Variants in THSD7B observed in about 807,000 individuals in gnomAD.
The protein encoded by THSD7B is thrombospondin type-1 domain-containing protein 7B.
Under a neutral mutation model 213.6 loss-of-function variants are expected in THSD7B, and 138 were observed. The observed-to-expected ratio is 0.65, with a 90% CI of 0.56 to 0.74. The LOEUF is 0.74. THSD7B is among the 30% of genes least tolerant of loss of function. THSD7B has a pLI of 0.00. For synonymous variants in THSD7B, 742 were observed against 687.0 expected (o/e 1.08, Z -1.25); for missense variants, 1,931 against 1,991.5 (o/e 0.97, Z 0.58).
At chr2:136,862,960 T>C (rs563723338) in intron 1 of THSD7B, among the ~76,000 whole-genome samples, 1 of 152,320 alleles carries the variant, frequency 6.6e-6, no homozygotes, top group African/African-American at 2.4e-5. Flanking sequence ...TCAGATCCTT[T>C]ACCATGGGGA....
rs1680741165 is a variant in THSD7B at position 137,546,477 on chromosome 2, TAATA to T, written c.3139-16743_3139-16740del. 3.3e-5 allele frequency among the ~76,000 whole-genome samples: 2 copies of T among 59,832 alleles called. 1 individual carries two copies. The highest frequency in any genetic ancestry group is 1.7e-4 in the African/African-American group (2 of 11,978). 39.3% of individuals were successfully genotyped at this position (59,832 alleles called of 152,430 possible). A position where few individuals can be genotyped will look rare whatever the true frequency, so the allele number is the denominator to read the frequency against. On this transcript the variant is annotated intron_variant, in intron 15 of 27. Coordinates refer to ENST00000409968, the MANE Select transcript of THSD7B (RefSeq NM_001316349.2). ...ATATTATATATAATATATATATATA[TAATA>T]TATATATATATATATTAACATACCT...
intron 3 of THSD7B, among the ~76,000 whole-genome samples, chr2:137,062,963 C>G (rs1292837733): frequency 6.6e-6 from 1 of 151,796 alleles, no homozygotes; most frequent in Non-Finnish European, 1.5e-5. Flanking sequence ...GACCTTGCCT[C>G]ATAGATTTTG....
chr2:137,039,628 G>A (rs181520947), intron 2 of THSD7B, among the ~76,000 whole-genome samples: 37 of 152,272 alleles, frequency 2.4e-4, no homozygotes, highest in Non-Finnish European at 5.1e-4. Flanking sequence ...CATGTGTTAG[G>A]AGCGTCCATA....
At chr2:137,642,732 A>G in intron 21 of THSD7B, 99 bp downstream of exon 21, 2 of 1,383,824 alleles carry the variant, frequency 1.4e-6, no homozygotes, top group Non-Finnish European at 2.0e-6. Flanking sequence ...TCACAGCACC[A>G]GGGGTCTGGC....
chr2:137,187,722 T>C (rs112572671), intron 7 of THSD7B, among the ~76,000 whole-genome samples: 2,027 of 152,312 alleles, frequency 0.013, 34 homozygotes, highest in African/African-American at 0.046. Context: ...GTTATTTATT[T>C]TGCATTATCT....
intron 15 of THSD7B, among the ~76,000 whole-genome samples, chr2:137,545,305 A>C (rs1680687111): frequency 6.6e-6 from 1 of 151,818 alleles, no homozygotes; most frequent in Non-Finnish European, 1.5e-5. Context: ...TATTAATATC[A>C]GGTTATGAAG....
chr2:137,131,690 A>T (rs1014103683), intron 5 of THSD7B, among the ~76,000 whole-genome samples: 1 of 152,184 alleles, frequency 6.6e-6, no homozygotes, highest in Non-Finnish European at 1.5e-5. Context: ...AGATAGTTGT[A>T]GATATGCAGC....
intron 1 of THSD7B, among the ~76,000 whole-genome samples, chr2:136,804,317 G>A (rs571426080): frequency 1.3e-5 from 2 of 151,924 alleles, no homozygotes; most frequent in South Asian, 4.2e-4. Context: ...CTATATAGAG[G>A]TTGAAACTTA....
intron 2 of THSD7B, among the ~76,000 whole-genome samples, chr2:137,026,673 C>T (rs978029045): frequency 6.6e-6 from 1 of 152,078 alleles, no homozygotes; most frequent in Non-Finnish European, 1.5e-5. Flanking sequence ...TGCTTCTCAC[C>T]CTTAGCCTTA....
intron 7 of THSD7B, among the ~76,000 whole-genome samples, chr2:137,203,095 G>A (rs750749386): frequency 2.4e-4 from 37 of 152,032 alleles, no homozygotes; most frequent in Non-Finnish European, 5.2e-4. Context: ...TGTGATTGTT[G>A]ATATTTTTCA....
chr2:137,208,382 T>C (rs945140797), intron 7 of THSD7B, among the ~76,000 whole-genome samples: 2 of 152,014 alleles, frequency 1.3e-5, no homozygotes, highest in African/African-American at 4.8e-5. Flanking sequence ...CTGGGGAATT[T>C]CTTCAGACCC....
At chr2:137,003,732 G>A (rs1686046828) in intron 2 of THSD7B, among the ~76,000 whole-genome samples, 1 of 152,068 alleles carries the variant, frequency 6.6e-6, no homozygotes, top group Admixed American at 6.6e-5. Context: ...GCCTCTCCAT[G>A]CATTTGCTAG....
chr2:136,874,228 CA>C (rs1263038872), intron 1 of THSD7B, among the ~76,000 whole-genome samples: 1 of 152,178 alleles, frequency 6.6e-6, no homozygotes, highest in Admixed American at 6.5e-5. Flanking sequence ...TTTGGGACTT[CA>C]GGTTGTTGCT....
intron 3 of THSD7B, among the ~76,000 whole-genome samples, chr2:137,074,850 G>A (rs540612560): frequency 4.6e-5 from 7 of 152,150 alleles, no homozygotes; most frequent in South Asian, 2.1e-4. Context: ...TATGAAGCTT[G>A]GTTTGGCTGG....
At chr2:137,387,229 G>A (rs1288256812) in intron 12 of THSD7B, among the ~76,000 whole-genome samples, 3 of 152,212 alleles carry the variant, frequency 2.0e-5, no homozygotes, top group African/African-American at 7.2e-5. Context: ...AGGTCACCCT[G>A]ACACACCCAC....
chr2:136,830,039 A>G (rs1682723606), intron 1 of THSD7B, among the ~76,000 whole-genome samples: 1 of 152,026 alleles, frequency 6.6e-6, no homozygotes, highest in African/African-American at 2.4e-5. Context: ...TTCAGACACA[A>G]ATCTAGTTGT....
At chr2:137,579,790 G>C (rs1282894155) in intron 17 of THSD7B, among the ~76,000 whole-genome samples, 1 of 152,024 alleles carries the variant, frequency 6.6e-6, no homozygotes, top group Non-Finnish European at 1.5e-5. Context: ...AAGTTTTCTA[G>C]CTTCTTAAAT....
chr2:137,298,085 G>A (rs1013175843), intron 12 of THSD7B, among the ~76,000 whole-genome samples: 1 of 152,116 alleles, frequency 6.6e-6, no homozygotes, highest in Non-Finnish European at 1.5e-5. Flanking sequence ...ACCTCCTAGC[G>A]ACTTGCTGAA....
At chr2:137,036,429 GA>G (rs1274060666) in intron 2 of THSD7B, among the ~76,000 whole-genome samples, 1 of 152,062 alleles carries the variant, frequency 6.6e-6, no homozygotes, top group African/African-American at 2.4e-5. Flanking sequence ...TCAAATTTAT[GA>G]GTGACTATAT....
Sources: gnomAD v4.1 joint callset for allele counts (sites outside exome capture counted in the v4.1 genomes callset) on GRCh38, gnomAD v4.1.1 for gene constraint, MANE v1.5 for transcripts, NCBI Gene and HGNC (gene_info 2026-07-23, HGNC 2026-07-21) for gene names.